MYO9B: variants seen among roughly 807,000 people sequenced by gnomAD.
The protein encoded by MYO9B is unconventional myosin-IXb.
MYO9B carries 71 observed loss-of-function variants against 229.5 expected under a neutral mutation model. That is an observed-to-expected ratio of 0.31 (90% CI 0.26 to 0.38). The LOEUF is 0.38. Ranked by LOEUF, MYO9B falls within the 10% of genes least tolerant of loss-of-function variation. The pLI is 1.00. For synonymous variants in MYO9B, 1,185 were observed against 1,235.8 expected, an observed-to-expected ratio of 0.96 and a Z score of 0.86; for missense variants, 2,255 against 2,920.5, an observed-to-expected ratio of 0.77 and a Z score of 5.25.
intron 1 of MYO9B, among the ~76,000 whole-genome samples, chr19:17,089,629 G>A (rs1487873731): frequency 1.3e-5 from 2 of 151,888 alleles, no homozygotes; most frequent in East Asian, 3.9e-4. Context: ...TCGTTGTCAT[G>A]CCTTTCCTTG....
At chr19:17,133,176 A>G (rs1292030651) in intron 2 of MYO9B, among the ~76,000 whole-genome samples, 2 of 152,152 alleles carry the variant, frequency 1.3e-5, no homozygotes, top group Non-Finnish European at 1.5e-5. Context: ...AAAGTTGTAT[A>G]TATTCATGAT....
At chr19:17,201,241 T>A (rs909910207) in intron 26 of MYO9B, among the ~76,000 whole-genome samples, 9 of 151,428 alleles carry the variant, frequency 5.9e-5, no homozygotes, top group East Asian at 1.9e-4. Context: ...TCAAAAAAAA[T>A]AATAATGCAT....
chr19:17,162,693 T>C (rs2072616970), intron 9 of MYO9B, among the ~76,000 whole-genome samples: 1 of 151,950 alleles, frequency 6.6e-6, no homozygotes, highest in Admixed American at 6.6e-5. Context: ...GATTCTGGCA[T>C]GTACCTGTGG....
At chr19:17,147,370 G>A (rs1013390956) in intron 3 of MYO9B, among the ~76,000 whole-genome samples, 2 of 151,738 alleles carry the variant, frequency 1.3e-5, no homozygotes, top group Non-Finnish European at 2.9e-5. Context: ...TGGTGAAACC[G>A]CCATCTCTAC....
chr19:17,195,035 T>G lies in MYO9B; in HGVS notation c.3608T>G (p.Leu1203Arg). 6.2e-7 allele frequency: 1 copy of G among 1,612,966 alleles called. No homozygotes were observed. Among genetic ancestry groups the G allele is most frequent in the South Asian group, 1.1e-5 (1 of 91,070 alleles). ...AAGGAGAGCAGAGAAGATGAAACCCTTCTAGTCGTAGAGACGGAGGCTGAG... is the reference window on the plus strand; with the variant it reads ...AAGGAGAGCAGAGAAGATGAAACCCGTCTAGTCGTAGAGACGGAGGCTGAG... ...DKKESREDET[L>R]LVVETEAENT... The change falls in exon 22 of 40, where the codon CTT becomes CGT. Residue 1203 changes from leucine (L) to arginine (R), a missense_variant. Around this residue, in one of 7 missense-constraint regions of MYO9B, gnomAD observed 679 missense variants for 770.2 expected, o/e 0.88. Transcript: ENST00000682292. This position sits in a 1 kb window ranked among gnomAD's most constrained non-coding sequence, Gnocchi z 4.5.
In MYO9B at chr19:17,083,026, CT is replaced by C. The variant is rs71334657; in HGVS notation, c.-59+7174del. Among the ~76,000 whole-genome samples the C allele has an allele frequency of 2.7e-3, 242 of 90,908 alleles. 1 individual carries two copies. The highest frequency in any genetic ancestry group is 0.01 in the Middle Eastern group (1 of 96). The allele number at this position is 90,908 out of a possible 152,430, so 59.6% of individuals were successfully genotyped here. ...GGAGGCTGAAAGTGTGTGAATCTTG[CT>C]TTTTTTTTTTTTTTTTTTTTTGAGA... On this transcript the variant is annotated intron_variant, in intron 1 of 39. Transcript: ENST00000682292.
intron 2 of MYO9B, among the ~76,000 whole-genome samples, chr19:17,141,291 G>A (rs2072336174): frequency 6.6e-6 from 1 of 152,070 alleles, no homozygotes; most frequent in Non-Finnish European, 1.5e-5. Context: ...CTTGGCAATG[G>A]CCTTGCCACT....
At chr19:17,142,934 C>T (rs1484347744) in intron 2 of MYO9B, among the ~76,000 whole-genome samples, 1 of 152,112 alleles carries the variant, frequency 6.6e-6, no homozygotes, top group Non-Finnish European at 1.5e-5. Context: ...TTTTTAATGT[C>T]AGAGACTTAA....
intron 2 of MYO9B, among the ~76,000 whole-genome samples, chr19:17,124,218 T>G (rs1405592706): frequency 6.6e-6 from 1 of 152,100 alleles, no homozygotes; most frequent in Non-Finnish European, 1.5e-5. Context: ...CAGAGTCAGG[T>G]GTGGTGGTAC....
chr19:17,101,575 C>G lies in MYO9B; in HGVS notation c.-58-85C>G, dbSNP rs2057744763. On this transcript the variant is annotated intron_variant, in intron 1 of 39. Transcript: ENST00000682292. This position sits in a 1 kb window ranked among gnomAD's most constrained non-coding sequence, Gnocchi z 4.7. ...GGGAACTCCAGCATCGGGTCAGGTGCTATCTGCCCAGGAGTGGGACTCCAC... is the reference window on the plus strand; with the variant it reads ...GGGAACTCCAGCATCGGGTCAGGTGGTATCTGCCCAGGAGTGGGACTCCAC... 12 of 1,307,722 alleles carry G rather than the reference C, an allele frequency of 9.2e-6. No individual in the cohort carries two copies. The South Asian group carries it at 1.7e-4, about 19-fold the overall frequency. 81.0% of individuals were successfully genotyped at this position (1,307,722 alleles called of 1,614,324 possible).
At chr19:17,099,104 G>A (rs10401771) in intron 1 of MYO9B, 66,158 of 150,986 alleles carry the variant, frequency 0.44, 15,198 homozygotes, top group Middle Eastern at 0.59. Flanking sequence ...GTGAAACCCC[G>A]TCTCTACTAA....
intron 1 of MYO9B, among the ~76,000 whole-genome samples, chr19:17,080,255 T>C (rs1568649059): frequency 6.6e-6 from 1 of 152,144 alleles, no homozygotes; most frequent in Admixed American, 6.5e-5. Context: ...GTGCCTGAGT[T>C]TGCTAGGGCT....
chr19:17,150,407 C>CA (rs1210665341), intron 3 of MYO9B, among the ~76,000 whole-genome samples: 2,790 of 120,054 alleles, frequency 0.023, 87 homozygotes, highest in African/African-American at 0.073. Flanking sequence ...GACTCCGTCT[C>CA]AAAAAAAAAA....
intron 34 of MYO9B, 119 bp from the exon 35 acceptor site, chr19:17,206,994 C>T (rs1460984046): frequency 1.4e-6 from 2 of 1,419,772 alleles, no homozygotes; most frequent in African/African-American, 2.8e-5. Context: ...TCTCCCAGTG[C>T]TGGGCTGTGG....
intron 10 of MYO9B, among the ~76,000 whole-genome samples, chr19:17,166,919 T>C (rs995969753): frequency 6.6e-6 from 1 of 152,142 alleles, no homozygotes; most frequent in Non-Finnish European, 1.5e-5. Flanking sequence ...AGATTACTTA[T>C]TTGTTATTGT....
chr19:17,177,149 C>T (rs2072799484), intron 14 of MYO9B, among the ~76,000 whole-genome samples: 1 of 152,008 alleles, frequency 6.6e-6, no homozygotes, highest in Non-Finnish European at 1.5e-5. Flanking sequence ...TGCGGTGAGC[C>T]AAGATCGCAC....
Position 17,195,584 on chromosome 19 carries a change from G to A in MYO9B, c.4046+111G>A, listed in dbSNP as rs2073034241. 2 of 1,362,912 alleles carry A rather than the reference G, an allele frequency of 1.5e-6. No homozygotes were observed. The highest frequency in any genetic ancestry group is 2.2e-5 in the Admixed American group (1 of 46,312). 84.4% of individuals were successfully genotyped at this position (1,362,912 alleles called of 1,614,324 possible). ...ACATGTGTAATCATGCCCAGTGGGT[G>A]TGCGGGAGGCCTGAGGGAGGAGGAC... On this transcript the variant is annotated intron_variant, in intron 22 of 39. Coordinates refer to ENST00000682292, the MANE Select transcript of MYO9B (RefSeq NM_004145.4). The surrounding 1 kb of genome is among the most constrained non-coding windows in gnomAD (Gnocchi z 4.5).
intron 2 of MYO9B, among the ~76,000 whole-genome samples, chr19:17,118,855 G>T (rs1199543093): frequency 6.6e-6 from 1 of 152,218 alleles, no homozygotes; most frequent in South Asian, 2.1e-4. Context: ...TTTGTGGAAG[G>T]TGTAATTGTT....
At chr19:17,138,947 G>A (rs2072304560) in intron 2 of MYO9B, among the ~76,000 whole-genome samples, 1 of 152,054 alleles carries the variant, frequency 6.6e-6, no homozygotes, top group Non-Finnish European at 1.5e-5. Flanking sequence ...CAAGGCAGGT[G>A]GATCATCTGA....
Sources: allele counts gnomAD v4.1 joint callset (sites outside exome capture counted in the v4.1 genomes callset), GRCh38; gene constraint gnomAD v4.1.1; regional missense constraint gnomAD v4.1.1; non-coding constraint Gnocchi (gnomAD v3.1); transcripts MANE v1.5; gene names NCBI Gene and HGNC (gene_info 2026-07-23, HGNC 2026-07-21).